Variants in USH2A observed in about 807,000 individuals in gnomAD.
USH2A encodes usherin.
In USH2A, 443 loss-of-function variants were observed where a neutral mutation model predicts 538.9. The ratio of observed to expected loss-of-function variants is 0.82; its 90% CI spans 0.76 to 0.89. The LOEUF (loss-of-function observed/expected upper bound fraction) is 0.89, where lower values mean the gene tolerates loss of function less well. Among genes scored for constraint, USH2A ranks in the 40% least tolerant of loss-of-function variants. The pLI, the probability that USH2A is intolerant of heterozygous loss-of-function variation, is 0.00. For missense variants in USH2A, 6,633 were observed against 6,324.8 expected (o/e 1.05, Z -1.65); for synonymous variants, 2,413 against 2,273.5 (o/e 1.06, Z -1.75).
chr1:215,674,408 T>A lies in USH2A; in HGVS notation c.13503A>T (p.Pro4501=). The A allele has an allele frequency of 6.2e-7, 1 of 1,614,086 alleles. No individual in the cohort carries two copies. Among genetic ancestry groups the A allele is most frequent in the Non-Finnish European group, 8.5e-7 (1 of 1,180,012 alleles). ...ETRYRDFTLT[P]GVEYSYTVTA... Reference sequence around the variant, plus strand: ...TTACTGTGTAGCTATACTCCACACCTGGGGTGAGAGTAAAATCACGATAGC... The same window carrying A: ...TTACTGTGTAGCTATACTCCACACCAGGGGTGAGAGTAAAATCACGATAGC... Residue 4501 remains proline (P), a synonymous_variant, in exon 63 of 72, where the codon CCA becomes CCT. Coordinates refer to ENST00000307340, the MANE Select transcript of USH2A (RefSeq NM_206933.4).
chr1:215,757,383 A>G (rs1430636750), intron 58 of USH2A, among the ~76,000 whole-genome samples: 1 of 152,182 alleles, frequency 6.6e-6, no homozygotes, highest in East Asian at 1.9e-4. Flanking sequence ...TTATAGCTAT[A>G]CAATAGTACC....
intron 14 of USH2A, among the ~76,000 whole-genome samples, chr1:216,230,454 G>A (rs537637271): frequency 2.1e-4 from 32 of 152,122 alleles, no homozygotes; most frequent in Middle Eastern, 6.8e-3. Context: ...GAAGTAGAGC[G>A]TCACAGATTA....
intron 47 of USH2A, among the ~76,000 whole-genome samples, chr1:215,837,675 T>C (rs1179423144): frequency 1.3e-5 from 2 of 152,176 alleles, no homozygotes; most frequent in East Asian, 1.9e-4. Flanking sequence ...GTCATTACAA[T>C]TAAGCTTGTA....
chr1:216,199,636 C>G lies in USH2A; in HGVS notation c.3802G>C (p.Glu1268Gln). ...ELHVEWSPPAELNGIIIRYEL... is the reference protein window; with the variant it reads ...ELHVEWSPPAQLNGIIIRYEL... ...AGCCTTGGATTCTTACCATTTAGTT[C>G]CGCTGGTGGAGACCATTCTACATGA... Residue 1268 changes from glutamate to glutamine, a missense_variant, in exon 17 of 72, where the codon GAA becomes CAA. Transcript: ENST00000307340. 1 of 1,613,958 alleles carries G rather than the reference C, an allele frequency of 6.2e-7. No individual in the cohort carries two copies. The highest frequency in any genetic ancestry group is 8.5e-7 in the Non-Finnish European group (1 of 1,179,984).
At chr1:216,039,401 G>T (rs2030160923) in intron 32 of USH2A, among the ~76,000 whole-genome samples, 1 of 151,900 alleles carries the variant, frequency 6.6e-6, no homozygotes, top group African/African-American at 2.4e-5. Flanking sequence ...AGGGAAACAT[G>T]GTATGACCTC....
At chr1:215,962,498 T>C (rs1667226330) in intron 37 of USH2A, among the ~76,000 whole-genome samples, 1 of 152,062 alleles carries the variant, frequency 6.6e-6, no homozygotes, top group Non-Finnish European at 1.5e-5. Context: ...GGAAGCTCGT[T>C]AGGAATTGCT....
intron 3 of USH2A, among the ~76,000 whole-genome samples, chr1:216,380,381 C>A (rs2038905355): frequency 6.6e-6 from 1 of 152,046 alleles, no homozygotes; most frequent in African/African-American, 2.4e-5. Context: ...GAGCCAGAAT[C>A]ACAAAAAATT....
At chr1:216,242,442 A>G (rs183938355) in intron 13 of USH2A, among the ~76,000 whole-genome samples, 2 of 152,046 alleles carry the variant, frequency 1.3e-5, no homozygotes, top group Admixed American at 6.6e-5. Context: ...GGTTCATTTA[A>G]TTGACGATAC....
chr1:215,817,176 C>G lies in USH2A; in HGVS notation c.9391G>C (p.Val3131Leu), dbSNP rs771903131. ...ATGCCATTTGGCTTCCGTGGAGACA[C>G]CCAATCAATTTGAAGAGATCTGCAA... Reference protein sequence around the residue: ...ITSRSLQIDWVSPRKPNGIIL... With the variant: ...ITSRSLQIDWLSPRKPNGIIL... The change falls in exon 48 of 72, where the codon GTG (valine) becomes CTG (leucine). Residue 3131 changes from valine to leucine, a missense_variant. Coordinates refer to ENST00000307340, the MANE Select transcript of USH2A (RefSeq NM_206933.4). 6.2e-7 allele frequency: 1 copy of G among 1,612,142 alleles called. No homozygotes were observed. The highest frequency in any genetic ancestry group is 2.2e-5 in the East Asian group (1 of 44,828).
chr1:215,674,451 T>C lies in USH2A; in HGVS notation c.13460A>G (p.Tyr4487Cys), dbSNP rs768893227. The change falls in exon 63 of 72, where the codon TAT becomes TGT. Residue 4487 changes from tyrosine to cysteine, a missense_variant. Physicochemically the swap from Tyr to Cys is radical, Grantham distance 194 (BLOSUM62 -2). Transcript: ENST00000307340. ...ACGATAGCGTGTTTCCAAGCCTGTA[T>C]ATACAATGGTTCCATCCCTCCTAAG... Reference protein sequence around the residue: ...YELRRDGTIVYTGLETRYRDF... With the variant: ...YELRRDGTIVCTGLETRYRDF... 1.9e-6 allele frequency: 3 copies of C among 1,614,176 alleles called. No homozygotes were observed. The highest frequency in any genetic ancestry group is 2.5e-6 in the Non-Finnish European group (3 of 1,180,024).
intron 9 of USH2A, among the ~76,000 whole-genome samples, chr1:216,297,840 T>A (rs2037136292): frequency 6.6e-6 from 1 of 152,300 alleles, no homozygotes; most frequent in African/African-American, 2.4e-5. Context: ...CCATCAGACA[T>A]AACTATTACT....
chr1:215,935,243 G>T (rs563777988), intron 37 of USH2A, among the ~76,000 whole-genome samples: 17 of 151,900 alleles, frequency 1.1e-4, no homozygotes, highest in African/African-American at 4.1e-4. Flanking sequence ...AATTGTTCTG[G>T]ATATACGTAT....
rs769558676 is a variant in USH2A at position 215,934,713 on chromosome 1, C to A, written c.7203G>T (p.Gly2401=). 3.1e-6 allele frequency: 5 copies of A among 1,612,888 alleles called. No homozygotes were observed. Among genetic ancestry groups the A allele is most frequent in the Middle Eastern group, 1.7e-4 (1 of 6,052 alleles). Reference sequence around the variant, plus strand: ...CAGTATAGTTGGTAAAAGGAACCAGCCCATCGATGAGCACCCAAAGGTTTG... The same window carrying A: ...CAGTATAGTTGGTAAAAGGAACCAGACCATCGATGAGCACCCAAAGGTTTG... The part of the protein sequence containing the change: ...EETNLWVLID[G]LVPFTNYTVQ... Residue 2401 remains glycine, a synonymous_variant, in exon 38 of 72, where the codon GGG becomes GGT. Coordinates refer to ENST00000307340, the MANE Select transcript of USH2A (RefSeq NM_206933.4).
intron 63 of USH2A, among the ~76,000 whole-genome samples, chr1:215,673,867 T>C (rs1288944515): frequency 6.6e-6 from 1 of 152,182 alleles, no homozygotes; most frequent in Non-Finnish European, 1.5e-5. Context: ...CAAACCTTTC[T>C]GAAACACTGA....
At chr1:215,631,231 T>C (rs997342699) in intron 70 of USH2A, among the ~76,000 whole-genome samples, 4 of 151,304 alleles carry the variant, frequency 2.6e-5, no homozygotes, top group Admixed American at 6.6e-5. Context: ...GGGAGAAGTG[T>C]GTGTGTGTGT....
At chr1:215,690,985 G>A (rs1020715246) in intron 61 of USH2A, among the ~76,000 whole-genome samples, 71 of 152,096 alleles carry the variant, frequency 4.7e-4, no homozygotes, top group African/African-American at 1.6e-3. Flanking sequence ...CCAGGTTCAA[G>A]CGATTCTTCT....
intron 13 of USH2A, among the ~76,000 whole-genome samples, chr1:216,236,776 A>C (rs2035828300): frequency 6.6e-6 from 1 of 152,182 alleles, no homozygotes; most frequent in South Asian, 2.1e-4. Context: ...AGCTGCAGAA[A>C]GAAAATGTCA....
At position 216,423,363 on chromosome 1, in the gene USH2A, G is replaced by C. The variant is rs2039711861; in HGVS notation, c.-354C>G. 6.6e-6 allele frequency: 1 copy of C among 152,138 alleles called. No homozygotes were observed. The allele number at this position is 152,138 out of a possible 1,614,324, so 9.4% of individuals were successfully genotyped here. A position where few individuals can be genotyped will look rare whatever the true frequency, so the allele number is the denominator to read the frequency against. ...AGCAGGAATGCTGGAAGGAAGACTT[G>C]GGTGCCCAGGTAAAGTATTCTGCAG... On this transcript the variant is annotated 5_prime_UTR_variant, in exon 1 of 72. Coordinates refer to ENST00000307340, the MANE Select transcript of USH2A (RefSeq NM_206933.4).
chr1:216,181,044 G>T lies in USH2A; in HGVS notation c.4397-5562C>A, dbSNP rs1040474654. The stretch of plus-strand genomic sequence containing the variant: ...GTGACTCAGCATCATCTTGTTGACT[G>T]TCTATTATCTGACCAGGGAAGAAAG... On this transcript the variant is annotated intron_variant, in intron 20 of 71. Coordinates refer to ENST00000307340, the MANE Select transcript of USH2A (RefSeq NM_206933.4). Among the ~76,000 whole-genome samples the T allele has an allele frequency of 3.3e-5, 5 of 152,174 alleles. No homozygotes were observed. In the South Asian group the frequency reaches 1.0e-3, roughly 32 times the overall value.
Sources: gnomAD v4.1 joint callset for allele counts (sites outside exome capture counted in the v4.1 genomes callset) on GRCh38, gnomAD v4.1.1 for gene constraint, MANE v1.5 for transcripts, NCBI Gene and HGNC (gene_info 2026-07-23, HGNC 2026-07-21) for gene names.